The following CSPP1 variants were observed in gnomAD, a reference collection of about 807,000 sequenced individuals.
The protein encoded by CSPP1 is centrosome and spindle pole associated protein 1.
CSPP1 carries 126 observed loss-of-function variants against 164.4 expected under a neutral mutation model. The observed-to-expected ratio is 0.77, with a 90% CI of 0.66 to 0.89. CSPP1 has a LOEUF of 0.89. CSPP1 is among the 40% of genes least tolerant of loss of function. The pLI is 0.00. For missense variants in CSPP1, 1,395 were observed against 1,449.8 expected, an observed-to-expected ratio of 0.96 and a Z score of 0.61; for synonymous variants, 472 against 476.7, an observed-to-expected ratio of 0.99 and a Z score of 0.13.
rs1826222203 is a variant in CSPP1 at position 67,154,101 on chromosome 8, CA to C, written c.2207del (p.Gln736ArgfsTer27). 1.3e-6 allele frequency: 2 copies of C among 1,587,530 alleles called. No individual in the cohort carries two copies. Among genetic ancestry groups the C allele is most frequent in the Non-Finnish European group, 1.7e-6 (2 of 1,156,864 alleles). Reference protein sequence around the residue: ...GEPPTELQIKQQELYKNFLRF... With the variant: ...GEPPTELQIKXQELYKNFLRF... ...GCCTCCAACTGAACTTCAGATTAAA[CA>C]GCAAGAATTATACAAGAATTTTCTT... On this transcript the variant is annotated frameshift_variant, in exon 19 of 31. Coordinates refer to ENST00000678616, the MANE Select transcript of CSPP1 (RefSeq NM_001382391.1). LOFTEE classifies it high-confidence loss of function.
intron 1 of CSPP1, 196 bp downstream of exon 1, chr8:67,064,734 C>T: frequency 4.3e-6 from 1 of 234,856 alleles, no homozygotes; most frequent in South Asian, 8.0e-5. Flanking sequence ...CTCGTGGCGG[C>T]TGGGTGCGGT....
At chr8:67,091,746 C>A in intron 4 of CSPP1, 57 bp from the exon 5 acceptor site, 2 of 527,572 alleles carry the variant, frequency 3.8e-6, no homozygotes, top group South Asian at 1.8e-5. Context: ...CACATTTATG[C>A]AACATATTTT....
Position 67,193,609 on chromosome 8 carries a change from G to T in CSPP1, c.3469+7G>T. The T allele has an allele frequency of 1.2e-6, 2 of 1,611,346 alleles. No individual in the cohort carries two copies. The highest frequency in any genetic ancestry group is 1.1e-5 in the South Asian group (1 of 90,802). ...AATAAACCTATTAATACAGGTAAAT[G>T]ACCAAGTGTAATGGCCTATAGTAGA... On this transcript the variant is annotated splice_region_variant and intron_variant, in intron 30 of 30. Coordinates refer to ENST00000678616, the MANE Select transcript of CSPP1 (RefSeq NM_001382391.1).
At chr8:67,181,239 T>C (rs1241216170) in intron 28 of CSPP1, among the ~76,000 whole-genome samples, 1 of 151,864 alleles carries the variant, frequency 6.6e-6, no homozygotes, top group African/African-American at 2.4e-5. Flanking sequence ...GGTCTCCCTA[T>C]GTTGCCCAGG....
intron 15 of CSPP1, among the ~76,000 whole-genome samples, chr8:67,125,581 C>T (rs973208824): frequency 9.2e-5 from 14 of 152,156 alleles, no homozygotes; most frequent in African/African-American, 3.1e-4. Flanking sequence ...CATTGGTACA[C>T]ATTATGGTGT....
chr8:67,164,179 A>G (rs1399404629), intron 23 of CSPP1, among the ~76,000 whole-genome samples: 1 of 152,224 alleles, frequency 6.6e-6, no homozygotes. Context: ...ATCGCTTCTG[A>G]AATTCCTATA....
chr8:67,071,901 A>G (rs577260755), intron 1 of CSPP1, among the ~76,000 whole-genome samples: 18 of 152,354 alleles, frequency 1.2e-4, no homozygotes, highest in African/African-American at 4.3e-4. Context: ...TTAACTTTGA[A>G]TGGATCACAG....
intron 28 of CSPP1, among the ~76,000 whole-genome samples, chr8:67,184,735 A>G (rs529323120): frequency 6.8e-6 from 1 of 147,660 alleles, no homozygotes; most frequent in Admixed American, 6.7e-5. Flanking sequence ...AAAAATAATA[A>G]TAAAAAAATA....
At chr8:67,133,910 A>G (rs1009953536) in intron 16 of CSPP1, 14 of 152,228 alleles carry the variant, frequency 9.2e-5, no homozygotes, top group Admixed American at 9.2e-4. Context: ...GCTCATTCAT[A>G]AGAAGCAACT....
At chr8:67,137,153 TG>T (rs1312278034) in intron 16 of CSPP1, among the ~76,000 whole-genome samples, 1 of 152,030 alleles carries the variant, frequency 6.6e-6, no homozygotes, top group African/African-American at 2.4e-5. Context: ...AGCTAATTTT[TG>T]TATTTTTAGT....
chr8:67,165,252 C>G (rs1829097498), intron 24 of CSPP1, among the ~76,000 whole-genome samples: 2 of 152,164 alleles, frequency 1.3e-5, no homozygotes, highest in Non-Finnish European at 2.9e-5. Context: ...CCACTGCACT[C>G]CAGCCTAGGT....
chr8:67,183,402 A>T (rs567990595), intron 28 of CSPP1, among the ~76,000 whole-genome samples: 1 of 152,350 alleles, frequency 6.6e-6, no homozygotes, highest in African/African-American at 2.4e-5. Context: ...CTGGGCAAGA[A>T]AACAAACCTT....
Position 67,095,619 on chromosome 8 carries a change from T to TA in CSPP1, c.811dup (p.Arg271LysfsTer5), listed in dbSNP as rs778219811. On this transcript the variant is annotated frameshift_variant, in exon 7 of 31. Coordinates refer to ENST00000678616, the MANE Select transcript of CSPP1 (RefSeq NM_001382391.1). LOFTEE classifies it high-confidence loss of function. ...GATTTAATGAGGATCGTGTTTTTGA[T>TA]AGACGGTATCATAGACCAGACCAAG... is the stretch of plus-strand genomic sequence containing the variant. 11 of 1,613,792 alleles carry TA rather than the reference T, an allele frequency of 6.8e-6. No individual in the cohort carries two copies. The highest frequency in any genetic ancestry group is 9.3e-6 in the Non-Finnish European group (11 of 1,179,810).
chr8:67,180,533 T>C lies in CSPP1; in HGVS notation c.3220+607T>C, dbSNP rs149672610. Reference sequence around the variant, plus strand: ...TTGTTTGCAGGGGTAGATACATACATGTAAATGGGAAATAAAATAATAATA... The same window carrying C: ...TTGTTTGCAGGGGTAGATACATACACGTAAATGGGAAATAAAATAATAATA... On this transcript the variant is annotated intron_variant, in intron 28 of 30. Transcript: ENST00000678616. Among the ~76,000 whole-genome samples, 22 of 152,204 alleles carry C rather than the reference T, an allele frequency of 1.4e-4. 1 individual carries two copies. In the East Asian group the frequency reaches 2.9e-3, roughly 20 times the overall value.
chr8:67,072,505 G>C lies in CSPP1; in HGVS notation c.-10-1738G>C, dbSNP rs115902331. On this transcript the variant is annotated intron_variant, in intron 1 of 30. Transcript: ENST00000678616. ...AAGTTTAATAAATGACTTTTATCAA[G>C]TGTATATAAAGAAATCTTACAATTC... Among the ~76,000 whole-genome samples, 891 of 152,110 alleles carry C rather than the reference G, an allele frequency of 5.9e-3. 8 individuals carry two copies. The highest frequency in any genetic ancestry group is 0.02 in the African/African-American group (834 of 41,482).
intron 15 of CSPP1, among the ~76,000 whole-genome samples, chr8:67,124,420 T>C (rs1315669184): frequency 6.6e-6 from 1 of 152,212 alleles, no homozygotes; most frequent in Non-Finnish European, 1.5e-5. Context: ...GCTATTATTG[T>C]CATACAAATC....
At chr8:67,162,673 A>G (rs1200938545) in intron 22 of CSPP1, among the ~76,000 whole-genome samples, 1 of 152,160 alleles carries the variant, frequency 6.6e-6, no homozygotes, top group Non-Finnish European at 1.5e-5. Context: ...AGGTGGGGCA[A>G]GACTAAACAT....
Position 67,116,018 on chromosome 8 carries a change from T to C in CSPP1, c.1392T>C (p.Ser464=), listed in dbSNP as rs1446338514. The change falls in exon 13 of 31, where the codon TCT becomes TCC. Residue 464 remains serine, a synonymous_variant. Coordinates refer to ENST00000678616, the MANE Select transcript of CSPP1 (RefSeq NM_001382391.1). ...IAFQTPLPPL[S]APSVPPIPSV... ...TCCAGACACCTCTCCCTCCTTTATC[T>C]GCCCCATCTGTCCCACCCATCCCAT... The C allele has an allele frequency of 6.2e-7, 1 of 1,613,964 alleles. No homozygotes were observed. The highest frequency in any genetic ancestry group is 8.5e-7 in the Non-Finnish European group (1 of 1,179,854).
chr8:67,153,186 A>C (rs1454185232), intron 18 of CSPP1, among the ~76,000 whole-genome samples: 1 of 152,182 alleles, frequency 6.6e-6, no homozygotes, highest in Non-Finnish European at 1.5e-5. Flanking sequence ...TGGGTGACAG[A>C]GCAAGACTCT....
Sources: allele counts gnomAD v4.1 joint callset (sites outside exome capture counted in the v4.1 genomes callset), GRCh38; gene constraint gnomAD v4.1.1; transcripts MANE v1.5; gene names NCBI Gene and HGNC (gene_info 2026-07-23, HGNC 2026-07-21).